ITGA2B: variants seen among roughly 807,000 people sequenced by gnomAD.
ITGA2B encodes the protein integrin subunit alpha 2b.
Under a neutral mutation model 142.0 loss-of-function variants are expected in ITGA2B, and 91 were observed. The ratio of observed to expected loss-of-function variants is 0.64; its 90% CI spans 0.54 to 0.76. The LOEUF (loss-of-function observed/expected upper bound fraction) is 0.76, where lower values mean the gene tolerates loss of function less well. ITGA2B is among the 30% of genes least tolerant of loss of function. The probability of loss-of-function intolerance (pLI) is 0.00; values close to 1 mark genes in which losing one functional copy is unlikely to be tolerated. For synonymous variants in ITGA2B, 536 were observed against 567.2 expected (o/e 0.94, Z 0.78); for missense variants, 1,231 against 1,350.8 (o/e 0.91, Z 1.39).
intron 14 of ITGA2B, 22 bp downstream of exon 14, chr17:44,380,578 C>T (rs750052910): frequency 6.2e-6 from 10 of 1,614,076 alleles, no homozygotes; most frequent in East Asian, 4.5e-5. Context: ...TTCCCCATCC[C>T]GCCCCTGGAG....
In ITGA2B at chr17:44,372,201, T is replaced by G. The variant is rs1347503673; in HGVS notation, c.*163A>C. On this transcript the variant is annotated 3_prime_UTR_variant, in exon 30 of 30. Transcript: ENST00000262407. ...CAGCATCAGGGCTCAGTCTCTTTAT[T>G]AGGCAGCAGGAGGGGGGGTAGCCCA... 1.4e-6 allele frequency: 1 copy of G among 689,960 alleles called. No individual in the cohort carries two copies. Among genetic ancestry groups the G allele is most frequent in the Non-Finnish European group, 2.6e-6 (1 of 387,882 alleles). 42.7% of individuals were successfully genotyped at this position (689,960 alleles called of 1,614,324 possible). A position where few individuals can be genotyped will look rare whatever the true frequency, so the allele number is the denominator to read the frequency against.
rs780865741 is a variant in ITGA2B at position 44,372,437 on chromosome 17, G to C, written c.3061-14C>G. The stretch of plus-strand genomic sequence containing the variant: ...GAAGAAGCCGACCTGGGGGTACACG[G>C]GGGCCAAGGTCAGGGTATACAGATG... On this transcript the variant is annotated splice_polypyrimidine_tract_variant and intron_variant, in intron 29 of 29. Coordinates refer to ENST00000262407, the MANE Select transcript of ITGA2B (RefSeq NM_000419.5). 1 of 1,613,712 alleles carries C rather than the reference G, an allele frequency of 6.2e-7. No individual in the cohort carries two copies.
chr17:44,385,439 C>T, intron 4 of ITGA2B, 104 bp from the exon 5 acceptor site: 1 of 1,528,420 alleles, frequency 6.5e-7, no homozygotes, highest in African/African-American at 1.4e-5. Context: ...TCGGCGGGGC[C>T]CTGGGGCGAG....
intron 12 of ITGA2B, among the ~76,000 whole-genome samples, chr17:44,382,898 C>A (rs2048609151): frequency 1.3e-5 from 2 of 152,088 alleles, no homozygotes; most frequent in South Asian, 4.1e-4. Flanking sequence ...CACCTAAATG[C>A]TTTTGCTCCC....
At chr17:44,388,916 C>T (rs776960851) in intron 1 of ITGA2B, among the ~76,000 whole-genome samples, 8 of 151,614 alleles carry the variant, frequency 5.3e-5, no homozygotes, top group East Asian at 3.9e-4. Flanking sequence ...CTGCCCGCCT[C>T]GGCCTCCCAA....
chr17:44,372,440 G>A lies in ITGA2B; in HGVS notation c.3061-17C>T, dbSNP rs2048505703. On this transcript the variant is annotated splice_polypyrimidine_tract_variant and intron_variant, in intron 29 of 29. Transcript: ENST00000262407. ...GAAGCCGACCTGGGGGTACACGGGGGCCAAGGTCAGGGTATACAGATGATT... is the reference window on the plus strand; with the variant it reads ...GAAGCCGACCTGGGGGTACACGGGGACCAAGGTCAGGGTATACAGATGATT... The A allele has an allele frequency of 1.1e-5, 17 of 1,612,992 alleles. No individual in the cohort carries two copies. The East Asian group carries it at 3.8e-4, about 36-fold the overall frequency.
chr17:44,386,038 G>A lies in ITGA2B; in HGVS notation c.282C>T (p.Gly94=). ...GGTCAAAGAGCAGCGAGGGGCACTG[G>A]CCGCCCTCGGCCCTCCAGGGGCACA... ...VFLCPWRAEG[G]QCPSLLFDLR... is the part of the protein sequence containing the mutation. The change falls in exon 2 of 30, where the codon GGC becomes GGT. Residue 94 remains glycine, a synonymous_variant. Coordinates refer to ENST00000262407, the MANE Select transcript of ITGA2B (RefSeq NM_000419.5). 3.7e-6 allele frequency: 6 copies of A among 1,613,234 alleles called. No homozygotes were observed. Among genetic ancestry groups the A allele is most frequent in the African/African-American group, 1.3e-5 (1 of 75,032 alleles).
chr17:44,372,489 G>A, intron 29 of ITGA2B, 66 bp from the exon 30 acceptor site: 1 of 1,464,354 alleles, frequency 6.8e-7, no homozygotes, highest in Non-Finnish European at 9.5e-7. Flanking sequence ...GCACATGTGA[G>A]GAAGTATGCT....
intron 18 of ITGA2B, 110 bp from the exon 19 acceptor site, chr17:44,378,820 G>A (rs1321701520): frequency 4.3e-6 from 4 of 930,610 alleles, no homozygotes; most frequent in East Asian, 2.6e-5. Flanking sequence ...GGCTTAGGGA[G>A]TAAGAAGATC....
At chr17:44,389,018 T>TG (rs1158698932) in intron 1 of ITGA2B, among the ~76,000 whole-genome samples, 1 of 151,998 alleles carries the variant, frequency 6.6e-6, no homozygotes, top group Non-Finnish European at 1.5e-5. Context: ...AACTGACCCT[T>TG]GGGGAAAAAA....
In ITGA2B at chr17:44,375,625, T is replaced by C. The variant is rs2048534569; in HGVS notation, c.2693A>G (p.Glu898Gly). 1 of 1,613,726 alleles carries C rather than the reference T, an allele frequency of 6.2e-7. No homozygotes were observed. The highest frequency in any genetic ancestry group is 1.3e-5 in the African/African-American group (1 of 74,906). The change falls in exon 26 of 30, where the codon GAG becomes GGG. Residue 898 changes from glutamate (E) to glycine (G), a missense_variant. By Grantham distance (98) the Glu-to-Gly change is moderately conservative. This residue lies in a region of ITGA2B where 908 missense variants were observed against 1,021.1 expected (regional missense o/e 0.89). Coordinates refer to ENST00000262407, the MANE Select transcript of ITGA2B (RefSeq NM_000419.5). ...DRRQIFLPEPEQPSRLQDPVL... is the reference protein window; with the variant it reads ...DRRQIFLPEPGQPSRLQDPVL... ...TGGATCCTGAAGCCTCGAGGGCTGC[T>C]CGGGCTCTGGCAGGAAGATCTGTCT... is the stretch of plus-strand genomic sequence containing the variant.
Position 44,374,674 on chromosome 17 carries a change from G to A in ITGA2B, c.2928C>T (p.Pro976=), listed in dbSNP as rs1287440261. 1 of 1,613,906 alleles carries A rather than the reference G, an allele frequency of 6.2e-7. No homozygotes were observed. The part of the protein sequence containing the change: ...LPYAVPPLSL[P]RGEAQVWTQL... ...CCACACTCACCTGAGCTTCCCCTCG[G>A]GGCAGGCTGAGCGGGGGCACCGCAT... The change falls in exon 28 of 30, where the codon CCC becomes CCT. Residue 976 remains proline, a synonymous_variant. Transcript: ENST00000262407.
At position 44,381,103 on chromosome 17, in the gene ITGA2B, G is replaced by C. The variant is rs902483383; in HGVS notation, c.1211-42C>G. The C allele has an allele frequency of 9.4e-6, 15 of 1,593,298 alleles. No individual in the cohort carries two copies. The African/African-American group carries it at 1.1e-4, about 11-fold the overall frequency. On this transcript the variant is annotated intron_variant, in intron 12 of 29. Coordinates refer to ENST00000262407, the MANE Select transcript of ITGA2B (RefSeq NM_000419.5). ...AAAGGAAGTGGCTGATTGTTATTCA[G>C]CCTCCCTAGATGACTGTAAAACTTT...
rs777726036 is a variant in ITGA2B, at chr17:44,375,548, G to T, written c.2727+43C>A. On this transcript the variant is annotated intron_variant, in intron 26 of 29. Transcript: ENST00000262407. ...CCTCCTCCCATCCCCTCTGCCCCGT[G>T]GGTCCCGGGGAGGCCGGGCCAGAGA... 4.3e-5 allele frequency: 69 copies of T among 1,607,178 alleles called. 1 individual carries two copies. Among genetic ancestry groups the T allele is most frequent in the African/African-American group, 1.1e-4 (8 of 74,790 alleles).
At position 44,389,392 on chromosome 17, in the gene ITGA2B, G is replaced by T. The variant is rs1015042585; in HGVS notation, c.82C>A (p.Pro28Thr). 1 of 1,614,194 alleles carries T rather than the reference G, an allele frequency of 6.2e-7. No homozygotes were observed. The highest frequency in any genetic ancestry group is 8.5e-7 in the Non-Finnish European group (1 of 1,180,044). The change falls in exon 1 of 30, where the codon CCA becomes ACA. Residue 28 changes from proline (P) to threonine (T), a missense_variant. Transcript: ENST00000262407. ...LLLLGPCAAP[P>T]AWALNLDPVQ... ...GGGTCCAGGTTCAAGGCCCAGGCTG[G>T]AGGGGCAGCACAAGGTCCCAAGAGC...
rs746475009 is a variant in ITGA2B at position 44,375,821 on chromosome 17, C to T, written c.2601+12G>A. On this transcript the variant is annotated intron_variant, in intron 25 of 29. Coordinates refer to ENST00000262407, the MANE Select transcript of ITGA2B (RefSeq NM_000419.5). ...GCCGCCTTCCCAGGTCTTTCTTCCA[C>T]CCAGCTCTTACCTTGAGAGGGTTGA... 168 of 1,568,856 alleles carry T rather than the reference C, an allele frequency of 1.1e-4. No individual in the cohort carries two copies. The highest frequency in any genetic ancestry group is 1.7e-4 in the Middle Eastern group (1 of 6,020).
rs2048621993 is a variant in ITGA2B at position 44,384,124 on chromosome 17, A to G, written c.906T>C (p.Asp302=). Reference sequence around the variant, plus strand: ...GCCGATGCAGCCTCTGGTAGTAGGAATCCAAAATTTCCACCTGCACGGACA... The same window carrying G: ...GCCGATGCAGCCTCTGGTAGTAGGAGTCCAAAATTTCCACCTGCACGGACA... The part of the protein sequence containing the change: ...SWTLGAVEIL[D]SYYQRLHRLR... The change falls in exon 10 of 30, where the codon GAT becomes GAC. Residue 302 remains aspartate, a synonymous_variant. Coordinates refer to ENST00000262407, the MANE Select transcript of ITGA2B (RefSeq NM_000419.5). The G allele has an allele frequency of 6.2e-7, 1 of 1,613,670 alleles. No homozygotes were observed.
chr17:44,374,615 T>A (rs753220968), intron 28 of ITGA2B, 44 bp downstream of exon 28: 58 of 1,571,596 alleles, frequency 3.7e-5, no homozygotes, highest in Non-Finnish European at 5.1e-5. Flanking sequence ...TGGGGGACAA[T>A]GGGTCCTGCA....
At chr17:44,372,783 C>T (rs1255489836) in intron 29 of ITGA2B, among the ~76,000 whole-genome samples, 1 of 151,798 alleles carries the variant, frequency 6.6e-6, no homozygotes, top group East Asian at 1.9e-4. Context: ...TGTGTGCCAC[C>T]ACGCCCAGCT....
Sources: allele counts gnomAD v4.1 joint callset (sites outside exome capture counted in the v4.1 genomes callset), GRCh38; gene constraint gnomAD v4.1.1; regional missense constraint gnomAD v4.1.1; transcripts MANE v1.5; gene names NCBI Gene and HGNC (gene_info 2026-07-23, HGNC 2026-07-21).